The following ZSCAN5B variants were observed in gnomAD, a reference collection of about 807,000 sequenced individuals.
The protein encoded by ZSCAN5B is zinc finger and SCAN domain-containing protein 5B.
ZSCAN5B carries 26 observed loss-of-function variants against 25.2 expected under a neutral mutation model. The observed-to-expected ratio is 1.03, with a 90% CI of 0.76 to 1.43. ZSCAN5B has a LOEUF of 1.43. ZSCAN5B is among the 40% of genes most tolerant of loss of function. ZSCAN5B has a pLI of 0.00. For synonymous variants in ZSCAN5B, 244 were observed against 240.9 expected, an observed-to-expected ratio of 1.01 and a Z score of -0.12; for missense variants, 745 against 622.1, an observed-to-expected ratio of 1.20 and a Z score of -2.10.
At chr19:56,192,038 G>A in exon 3 of ZSCAN5B, 1 of 1,612,486 alleles carries the variant, frequency 6.2e-7, no homozygotes, top group Non-Finnish European at 8.5e-7. Context: ...TCTTTGCCGA[G>A]CAAGTTGACT....
At chr19:56,195,575 T>G (rs1444042023) in intron 1 of ZSCAN5B, among the ~76,000 whole-genome samples, 1 of 151,566 alleles carries the variant, frequency 6.6e-6, no homozygotes, top group African/African-American at 2.4e-5. Context: ...GTATAGAAGC[T>G]CCTCAGAAAA....
intron 4 of ZSCAN5B, 123 bp from the exon 5 acceptor site, chr19:56,190,698 T>C: frequency 6.5e-7 from 1 of 1,543,672 alleles, no homozygotes; most frequent in Non-Finnish European, 8.7e-7. Flanking sequence ...CCTAAGACAT[T>C]GGACTGTAGG....
chr19:56,192,025 T>G (rs1462864033), exon 3 of ZSCAN5B: 1 of 1,613,210 alleles, frequency 6.2e-7, no homozygotes. Flanking sequence ...CAGCATAAGA[T>G]ATTCTTTGCC....
chr19:56,195,859 C>G (rs1435277961), intron 1 of ZSCAN5B, among the ~76,000 whole-genome samples: 1 of 151,462 alleles, frequency 6.6e-6, no homozygotes, highest in Non-Finnish European at 1.5e-5. Flanking sequence ...TTAAAGTTAT[C>G]TATTTTTGTT....
chr19:56,195,063 G>T (rs1428478427), intron 1 of ZSCAN5B, among the ~76,000 whole-genome samples: 2 of 152,192 alleles, frequency 1.3e-5, no homozygotes, highest in Non-Finnish European at 2.9e-5. Flanking sequence ...CTGAAGGTCT[G>T]CAGAGGGGAG....
exon 3 of ZSCAN5B, chr19:56,191,858 T>G: frequency 6.2e-7 from 1 of 1,614,018 alleles, no homozygotes; most frequent in Non-Finnish European, 8.5e-7. Context: ...ACCTGCCTCC[T>G]GGACAGTGCA....
intron 1 of ZSCAN5B, among the ~76,000 whole-genome samples, chr19:56,193,794 C>G (rs2032772096): frequency 2.0e-5 from 3 of 152,042 alleles, no homozygotes; most frequent in African/African-American, 7.2e-5. Flanking sequence ...AACCCCGTCT[C>G]TACTAAAAAT....
At position 56,193,956 on chromosome 19, in the gene ZSCAN5B, CAAA is replaced by C. The variant is rs34181873; in HGVS notation, c.-127-780_-127-778del. Among the ~76,000 whole-genome samples, 219 of 123,592 alleles carry C rather than the reference CAAA, an allele frequency of 1.8e-3. 1 individual carries two copies. Among genetic ancestry groups the C allele is most frequent in the African/African-American group, 3.3e-3 (107 of 32,258 alleles). 81.1% of individuals were successfully genotyped at this position (123,592 alleles called of 152,430 possible). A position where few individuals can be genotyped will look rare whatever the true frequency, so the allele number is the denominator to read the frequency against. ...TGGGTGACAGAGTAAGACTCCATCTCAAAAAAAAAAAAAAAAAAATCCTATGAG... is the reference window on the plus strand; with the variant it reads ...TGGGTGACAGAGTAAGACTCCATCTCAAAAAAAAAAAAAAAATCCTATGAG... On this transcript the variant is annotated intron_variant, in intron 1 of 4. Coordinates refer to ENST00000586855, the Ensembl canonical transcript of ZSCAN5B.
At chr19:56,192,771 G>C in exon 2 of ZSCAN5B, 1 of 1,610,160 alleles carries the variant, frequency 6.2e-7, no homozygotes, top group Non-Finnish European at 8.5e-7. Flanking sequence ...GGGGCATGGA[G>C]ATCATGAACT....
rs376370109 is a variant in ZSCAN5B at position 56,194,724 on chromosome 19, T to TCTC, written c.-127-1548_-127-1546dup. ...CCTCTGCTGCCCAGGTTCATATGGCTCTCCTTCTTCAGCCTAAGTAGCTGG... is the reference window on the plus strand; with the variant it reads ...CCTCTGCTGCCCAGGTTCATATGGCTCTCCTCCTTCTTCAGCCTAAGTAGCTGG... On this transcript the variant is annotated intron_variant, in intron 1 of 4. Transcript: ENST00000586855. Among the ~76,000 whole-genome samples, 793 of 152,204 alleles carry TCTC rather than the reference T, an allele frequency of 5.2e-3. 7 individuals carry two copies. Among genetic ancestry groups the TCTC allele is most frequent in the African/African-American group, 0.018 (761 of 41,510 alleles).
intron 4 of ZSCAN5B, 45 bp from the exon 5 acceptor site, chr19:56,190,620 T>G (rs1385787153): frequency 6.3e-7 from 1 of 1,591,832 alleles, no homozygotes; most frequent in Non-Finnish European, 8.5e-7. Context: ...ACAAAGCCGA[T>G]TTTCAATACA....
Position 56,193,356 on chromosome 19 carries a change from G to T in ZSCAN5B, c.-127-177C>A, listed in dbSNP as rs556608166. 8.6e-4 allele frequency among the ~76,000 whole-genome samples: 131 copies of T among 152,236 alleles called. 1 individual carries two copies. Among genetic ancestry groups the T allele is most frequent in the African/African-American group, 3.0e-3 (124 of 41,544 alleles). ...ACATGTTCTGGGGTAAAATCTGAAT[G>T]CTCCCCTGGATTCTGATCTCTAGGG... On this transcript the variant is annotated intron_variant, in intron 1 of 4. Transcript: ENST00000586855.
chr19:56,190,223 A>C, exon 5 of ZSCAN5B: 1 of 1,614,062 alleles, frequency 6.2e-7, no homozygotes, highest in South Asian at 1.1e-5. Flanking sequence ...AAAAATACTT[A>C]AATGATTTAT....
intron 3 of ZSCAN5B, 92 bp from the exon 4 acceptor site, chr19:56,191,079 T>A: frequency 6.4e-7 from 1 of 1,567,120 alleles, no homozygotes; most frequent in Non-Finnish European, 8.7e-7. Context: ...CACACCAGAC[T>A]TCCCATGGAC....
chr19:56,190,289 ACTGAC>A lies in ZSCAN5B; in HGVS notation c.1021_1025del (p.Val341SerfsTer16). The A allele has an allele frequency of 6.8e-6, 11 of 1,614,152 alleles. No homozygotes were observed. Among genetic ancestry groups the A allele is most frequent in the Non-Finnish European group, 9.3e-6 (11 of 1,180,032 alleles). ...CCTTGGCTTCTTGGCCATCTGGGTG[ACTGAC>A]CGGGCCCGCAGGGCCTGGGGAATGA... On this transcript the variant is annotated frameshift_variant, in exon 5 of 5. Coordinates refer to ENST00000586855, the Ensembl canonical transcript of ZSCAN5B. LOFTEE classifies it low-confidence loss of function (END_TRUNC).
intron 4 of ZSCAN5B, 115 bp downstream of exon 4, chr19:56,190,722 G>C: frequency 6.5e-7 from 1 of 1,541,040 alleles, no homozygotes; most frequent in African/African-American, 1.4e-5. Context: ...CTGGAAAGTG[G>C]AGGAGAGATT....
exon 2 of ZSCAN5B, chr19:56,193,024 C>G (rs1384913136): frequency 6.3e-7 from 1 of 1,584,776 alleles, no homozygotes. Flanking sequence ...TCCTCCCTGA[C>G]CCCATGAGAG....
chr19:56,189,878 C>CA lies in ZSCAN5B; in HGVS notation c.1436dup (p.Thr481AspfsTer45). The CA allele has an allele frequency of 6.2e-7, 1 of 1,613,878 alleles. No homozygotes were observed. Among genetic ancestry groups the CA allele is most frequent in the Non-Finnish European group, 8.5e-7 (1 of 1,179,830 alleles). On this transcript the variant is annotated frameshift_variant, in exon 5 of 5. Transcript: ENST00000586855. LOFTEE classifies it low-confidence loss of function (END_TRUNC). ...TTTTCAGGTGACGCTTGAATGTCCC[C>CA]AGCTGACGGAAGGCCTTTTGACAGG...
At chr19:56,191,375 C>A (rs2032730792) in intron 3 of ZSCAN5B, among the ~76,000 whole-genome samples, 1 of 152,200 alleles carries the variant, frequency 6.6e-6, no homozygotes, top group Non-Finnish European at 1.5e-5. Context: ...CCTCTAGATG[C>A]TATCAACACC....
Sources: gnomAD v4.1 joint callset for allele counts (sites outside exome capture counted in the v4.1 genomes callset) on GRCh38, gnomAD v4.1.1 for gene constraint, MANE v1.5 for transcripts, NCBI Gene and HGNC (gene_info 2026-07-23, HGNC 2026-07-21) for gene names.